Variants in KCNMB2 observed in about 807,000 individuals in gnomAD.
KCNMB2 encodes calcium-activated potassium channel subunit beta-2.
KCNMB2 carries 9 observed loss-of-function variants against 24.5 expected under a neutral mutation model. The observed-to-expected ratio is 0.37, with a 90% CI of 0.22 to 0.64. KCNMB2 has a LOEUF of 0.64. KCNMB2 is among the 30% of genes least tolerant of loss of function. The probability of loss-of-function intolerance (pLI) is 0.63; values close to 1 mark genes in which losing one functional copy is unlikely to be tolerated. For synonymous variants in KCNMB2, 109 were observed against 104.4 expected (o/e 1.04, Z -0.27); for missense variants, 226 against 284.3 (o/e 0.79, Z 1.47).
chr3:178,571,997 G>A (rs1164809204), intron 1 of KCNMB2, among the ~76,000 whole-genome samples: 1 of 152,210 alleles, frequency 6.6e-6, no homozygotes, highest in Non-Finnish European at 1.5e-5. Context: ...AAACACACGT[G>A]TGCATGTGTC....
Position 178,797,386 on chromosome 3 carries a change from G to A in KCNMB2, c.-67-9957G>A, listed in dbSNP as rs575248270. The stretch of plus-strand genomic sequence containing the variant: ...GGGAACACTTCCAAACTCTGTCTAT[G>A]AGACCATTATTACCCAGACACAAAA... On this transcript the variant is annotated intron_variant, in intron 1 of 4. Coordinates refer to ENST00000452583, the MANE Select transcript of KCNMB2 (RefSeq NM_181361.3). Among the ~76,000 whole-genome samples the A allele has an allele frequency of 2.0e-5, 3 of 152,180 alleles. No individual in the cohort carries two copies. The East Asian group carries it at 5.8e-4, about 29-fold the overall frequency.
At chr3:178,784,814 T>C (rs1268222484) in intron 1 of KCNMB2, among the ~76,000 whole-genome samples, 1 of 151,100 alleles carries the variant, frequency 6.6e-6, no homozygotes, top group African/African-American at 2.4e-5. Flanking sequence ...GTCTTTTGCA[T>C]TGTAAAAGTC....
At chr3:178,755,323 T>A (rs376909344) in intron 1 of KCNMB2, among the ~76,000 whole-genome samples, 5 of 152,254 alleles carry the variant, frequency 3.3e-5, no homozygotes, top group Admixed American at 1.3e-4. Flanking sequence ...TTTCATATTA[T>A]GTTTATTTTC....
intron 1 of KCNMB2, among the ~76,000 whole-genome samples, chr3:178,662,267 T>C (rs1408728030): frequency 6.6e-6 from 1 of 152,196 alleles, no homozygotes; most frequent in South Asian, 2.1e-4. Context: ...CAAGTTCTCA[T>C]TTACTCAGCT....
intron 1 of KCNMB2, among the ~76,000 whole-genome samples, chr3:178,571,779 C>T (rs1466050756): frequency 9.2e-5 from 14 of 151,960 alleles, no homozygotes; most frequent in East Asian, 3.9e-4. Context: ...TGAGAACATG[C>T]GGTGTTTGGC....
At chr3:178,842,579 C>T (rs898258875) in intron 4 of KCNMB2, 74 bp from the exon 5 acceptor site, 6 of 1,003,058 alleles carry the variant, frequency 6.0e-6, no homozygotes, top group Non-Finnish European at 9.0e-6. Context: ...AATTTGGACA[C>T]AATACTCCAC....
At chr3:178,672,117 A>G (rs997455989) in intron 1 of KCNMB2, among the ~76,000 whole-genome samples, 1 of 152,194 alleles carries the variant, frequency 6.6e-6, no homozygotes, top group Non-Finnish European at 1.5e-5. Context: ...CTGATGTGGA[A>G]GTCTGGCACC....
chr3:178,633,551 G>A (rs2126688), intron 1 of KCNMB2, among the ~76,000 whole-genome samples: 55,149 of 152,038 alleles, frequency 0.36, 10,684 homozygotes, highest in African/African-American at 0.5. Context: ...GGGCTGGGAT[G>A]TGGGGCACCA....
intron 1 of KCNMB2, among the ~76,000 whole-genome samples, chr3:178,705,622 G>C (rs532065435): frequency 6.6e-6 from 1 of 152,172 alleles, no homozygotes; most frequent in East Asian, 1.9e-4. Flanking sequence ...ACTCCAGAAG[G>C]GTTATGATGT....
chr3:178,765,812 G>A (rs777638210), intron 1 of KCNMB2, among the ~76,000 whole-genome samples: 5 of 152,116 alleles, frequency 3.3e-5, no homozygotes, highest in Non-Finnish European at 7.3e-5. Context: ...CCATCTTCCT[G>A]TTCATCGAGC....
intron 1 of KCNMB2, among the ~76,000 whole-genome samples, chr3:178,625,230 G>C (rs1560136548): frequency 6.6e-6 from 1 of 152,140 alleles, no homozygotes; most frequent in Non-Finnish European, 1.5e-5. Context: ...AGTGCCACAG[G>C]GCTTGAGGAG....
chr3:178,547,661 A>G (rs1353295673), intron 1 of KCNMB2, among the ~76,000 whole-genome samples: 2 of 152,106 alleles, frequency 1.3e-5, no homozygotes, highest in Non-Finnish European at 2.9e-5. Flanking sequence ...CCTACTTTAT[A>G]GTTCTTTTTA....
At chr3:178,751,886 AC>A (rs1486897077) in intron 1 of KCNMB2, among the ~76,000 whole-genome samples, 3 of 152,246 alleles carry the variant, frequency 2.0e-5, no homozygotes, top group Non-Finnish European at 4.4e-5. Flanking sequence ...TGCAGATGTT[AC>A]TTCTCTTAGC....
intron 1 of KCNMB2, among the ~76,000 whole-genome samples, chr3:178,724,658 T>C (rs1156317201): frequency 6.6e-6 from 1 of 152,234 alleles, no homozygotes; most frequent in Non-Finnish European, 1.5e-5. Context: ...AAATCTTTAA[T>C]CCATCTTGCG....
rs541013219 is a variant in KCNMB2, at chr3:178,731,949, A to G, written c.-67-75394A>G. Among the ~76,000 whole-genome samples, 106 of 152,262 alleles carry G rather than the reference A, an allele frequency of 7.0e-4. 1 individual carries two copies. The highest frequency in any genetic ancestry group is 2.4e-3 in the African/African-American group (101 of 41,544). ...ATTAAGCCTGTAGATCTAACTACGA[A>G]TATACAGGAAGTACAGGGGACAGAG... On this transcript the variant is annotated intron_variant, in intron 1 of 4. Transcript: ENST00000452583.
At chr3:178,552,464 G>A (rs1319102721) in intron 1 of KCNMB2, among the ~76,000 whole-genome samples, 1 of 151,602 alleles carries the variant, frequency 6.6e-6, no homozygotes, top group East Asian at 1.9e-4. Context: ...ATACTATTAT[G>A]CCTCTATTTT....
chr3:178,786,942 T>C (rs1343572127), intron 1 of KCNMB2, among the ~76,000 whole-genome samples: 1 of 152,118 alleles, frequency 6.6e-6, no homozygotes, highest in Non-Finnish European at 1.5e-5. Context: ...CGATTTCAAC[T>C]TTCCAAAGTA....
chr3:178,701,766 C>A (rs1041597708), intron 1 of KCNMB2, among the ~76,000 whole-genome samples: 1 of 152,114 alleles, frequency 6.6e-6, no homozygotes, highest in African/African-American at 2.4e-5. Flanking sequence ...AGTCAGGAAA[C>A]AACAGGTGCT....
chr3:178,742,053 C>A (rs1162991155), intron 1 of KCNMB2, among the ~76,000 whole-genome samples: 3 of 152,122 alleles, frequency 2.0e-5, no homozygotes, highest in African/African-American at 7.2e-5. Flanking sequence ...GAAAGTCTAA[C>A]CAACTGTTAA....
Sources: gnomAD v4.1 joint callset for allele counts (sites outside exome capture counted in the v4.1 genomes callset) on GRCh38, gnomAD v4.1.1 for gene constraint, MANE v1.5 for transcripts, NCBI Gene and HGNC (gene_info 2026-07-23, HGNC 2026-07-21) for gene names.